The following MTO1 variants were observed in gnomAD, a reference collection of about 807,000 sequenced individuals.
MTO1 encodes the protein 5-taurinomethyluridine-[tRNA] synthase subunit MTO1, mitochondrial.
In MTO1, 46 loss-of-function variants were observed where a neutral mutation model predicts 71.6. The observed-to-expected ratio is 0.64, with a 90% CI of 0.51 to 0.82. MTO1 has a LOEUF of 0.82. Ranked by LOEUF, MTO1 falls within the 40% of genes least tolerant of loss-of-function variation. The probability of loss-of-function intolerance (pLI) is 0.00; values close to 1 mark genes in which losing one functional copy is unlikely to be tolerated. For synonymous variants in MTO1, 297 were observed against 312.1 expected (o/e 0.95, Z 0.51); for missense variants, 773 against 867.5 (o/e 0.89, Z 1.37).
At position 73,482,466 on chromosome 6, in the gene MTO1, T is replaced by C. The variant is rs770891029; in HGVS notation, c.1483T>C (p.Cys495Arg). The change falls in exon 9 of 12, where the codon TGT becomes CGT. Residue 495 changes from cysteine (C) to arginine (R), a missense_variant. Coordinates refer to ENST00000498286, the MANE Select transcript of MTO1 (RefSeq NM_012123.4). ...LTLRGYKDAG[C>R]VSQQRYERAC... ...TTCCCTAGGGTATAAAGACGCTGGC[T>C]GTGTGTCCCAACAACGATATGAAAG... is the stretch of plus-strand genomic sequence containing the variant. 44 of 1,612,632 alleles carry C rather than the reference T, an allele frequency of 2.7e-5. No homozygotes were observed. The highest frequency in any genetic ancestry group is 3.6e-5 in the Non-Finnish European group (43 of 1,179,746).
Position 73,506,682 on chromosome 6 carries a change from CTTTTTTT to C in MTO1, c.*5964_*5970del, listed in dbSNP as rs201035809. 5 of 56,934 alleles carry C rather than the reference CTTTTTTT, an allele frequency of 8.8e-5. No homozygotes were observed. The highest frequency in any genetic ancestry group is 1.0e-3 in the East Asian group (2 of 1,976). The allele number at this position is 56,934 out of a possible 1,614,324, so 3.5% of individuals were successfully genotyped here. On this transcript the variant is annotated 3_prime_UTR_variant, in exon 12 of 12. Coordinates refer to ENST00000498286, the MANE Select transcript of MTO1 (RefSeq NM_012123.4). ...AATGAACTAATACAGTGTTTTATCA[CTTTTTTT>C]TTTTTTTTTTTTTTTTGAGATGGAG...
At position 73,500,613 on chromosome 6, in the gene MTO1, G is replaced by A. The variant is rs749086310; in HGVS notation, c.1957G>A (p.Ala653Thr). The A allele has an allele frequency of 1.4e-5, 22 of 1,613,656 alleles. No homozygotes were observed. Among genetic ancestry groups the A allele is most frequent in the Admixed American group, 3.3e-5 (2 of 59,930 alleles). ...TCGCATACCCGGAGTAACACCTGCCGCCATCATCAATCTGCTGAGATTTGT... is the reference window on the plus strand; with the variant it reads ...TCGCATACCCGGAGTAACACCTGCCACCATCATCAATCTGCTGAGATTTGT... The part of the protein sequence containing the change: ...ASRIPGVTPA[A>T]IINLLRFVKT... The change falls in exon 12 of 12, where the codon GCC becomes ACC. Residue 653 changes from alanine (A) to threonine (T), a missense_variant. Physicochemically the swap from Ala to Thr is moderately conservative, Grantham distance 58. Transcript: ENST00000498286.
At position 73,479,674 on chromosome 6, in the gene MTO1, A is replaced by T. The variant is rs542372204; in HGVS notation, c.826-58A>T. 46 of 1,368,082 alleles carry T rather than the reference A, an allele frequency of 3.4e-5. 1 individual carries two copies. The African/African-American group carries it at 6.4e-4, about 19-fold the overall frequency. 84.7% of individuals were successfully genotyped at this position (1,368,082 alleles called of 1,614,324 possible). On this transcript the variant is annotated intron_variant, in intron 4 of 11. Transcript: ENST00000498286. ...TACGTATCATGTGGAATTTATTTGG[A>T]TAAGAGAGAAACTAGTAGATAAGCA...
At chr6:73,463,931 G>A (rs1357061127) in intron 1 of MTO1, 1 of 151,916 alleles carries the variant, frequency 6.6e-6, no homozygotes, top group African/African-American at 2.4e-5. Context: ...AGTAGAGATG[G>A]GGTTTCATCA....
chr6:73,483,406 CAAAG>C (rs1267434771), intron 9 of MTO1, among the ~76,000 whole-genome samples: 1 of 151,030 alleles, frequency 6.6e-6, no homozygotes, highest in Non-Finnish European at 1.5e-5. Flanking sequence ...GACCCTGTCT[CAAAG>C]AAAAGAAAAA....
chr6:73,462,816 T>A (rs998548968), intron 1 of MTO1, among the ~76,000 whole-genome samples: 1 of 152,024 alleles, frequency 6.6e-6, no homozygotes, highest in Non-Finnish European at 1.5e-5. Context: ...AGAGACAGGG[T>A]CTCGCCATGT....
chr6:73,490,728 A>C (rs1771780513), intron 9 of MTO1, among the ~76,000 whole-genome samples: 1 of 152,026 alleles, frequency 6.6e-6, no homozygotes, highest in Admixed American at 6.6e-5. Context: ...ATTTCTAAAA[A>C]AAAAAAGCCA....
chr6:73,493,256 A>G (rs1377319527), intron 10 of MTO1, among the ~76,000 whole-genome samples: 2 of 151,092 alleles, frequency 1.3e-5, no homozygotes, highest in African/African-American at 4.9e-5. Context: ...GGCCTCCCAA[A>G]GTGCCAGGGA....
intron 1 of MTO1, among the ~76,000 whole-genome samples, chr6:73,462,932 T>C (rs909993136): frequency 6.6e-6 from 1 of 152,020 alleles, no homozygotes; most frequent in African/African-American, 2.4e-5. Flanking sequence ...AACCAGTAGC[T>C]GGGATTGCAG....
At chr6:73,488,593 A>G (rs192615066) in intron 9 of MTO1, among the ~76,000 whole-genome samples, 3 of 152,016 alleles carry the variant, frequency 2.0e-5, no homozygotes, top group South Asian at 2.1e-4. Flanking sequence ...TGTTGTTTGT[A>G]TCCTTTGATG....
intron 4 of MTO1, among the ~76,000 whole-genome samples, chr6:73,476,207 A>T (rs994451184): frequency 3.4e-5 from 5 of 148,210 alleles, no homozygotes; most frequent in South Asian, 2.1e-4. Flanking sequence ...TACTAAAAAT[A>T]AAAAAAAAAT....
intron 9 of MTO1, among the ~76,000 whole-genome samples, chr6:73,491,041 C>T (rs1771787504): frequency 1.3e-5 from 2 of 152,128 alleles, no homozygotes; most frequent in South Asian, 4.1e-4. Context: ...GATCTATGTG[C>T]ATTAATACTT....
chr6:73,488,826 G>A (rs970564172), intron 9 of MTO1, among the ~76,000 whole-genome samples: 4 of 152,136 alleles, frequency 2.6e-5, no homozygotes, highest in Non-Finnish European at 4.4e-5. Context: ...GCTGAAGCAC[G>A]AGAATTGCTT....
intron 3 of MTO1, among the ~76,000 whole-genome samples, chr6:73,467,152 A>G (rs1173325290): frequency 2.6e-5 from 4 of 151,914 alleles, no homozygotes; most frequent in East Asian, 3.9e-4. Flanking sequence ...CATGTCTACA[A>G]AAAAATACAA....
In MTO1 at chr6:73,480,769, C is replaced by A; in HGVS notation, c.1224C>A (p.Ile408=). ...LVQRLFFAGQ[I]NGTTGYEEAA... Reference sequence around the variant, plus strand: ...AACGACTCTTCTTTGCTGGACAGATCAATGGCACCACTGGTTATGAGGAAG... The same window carrying A: ...AACGACTCTTCTTTGCTGGACAGATAAATGGCACCACTGGTTATGAGGAAG... Residue 408 remains isoleucine, a synonymous_variant, in exon 7 of 12, where the codon ATC becomes ATA. Transcript: ENST00000498286. 6.2e-7 allele frequency: 1 copy of A among 1,613,964 alleles called. No homozygotes were observed. The highest frequency in any genetic ancestry group is 8.5e-7 in the Non-Finnish European group (1 of 1,179,970).
intron 9 of MTO1, among the ~76,000 whole-genome samples, chr6:73,483,784 ATT>A (rs35787647): frequency 8.6e-4 from 89 of 104,070 alleles, no homozygotes; most frequent in East Asian, 5.8e-3. Flanking sequence ...ACACCTGGCT[ATT>A]TTTTTTTTTT....
chr6:73,496,001 A>C (rs1771967607), intron 10 of MTO1, among the ~76,000 whole-genome samples: 1 of 152,188 alleles, frequency 6.6e-6, no homozygotes, highest in African/African-American at 2.4e-5. Flanking sequence ...ACTGGAACCT[A>C]CCTTGTCTGA....
intron 9 of MTO1, among the ~76,000 whole-genome samples, chr6:73,491,366 C>G (rs1159389881): frequency 6.7e-6 from 1 of 149,716 alleles, no homozygotes; most frequent in Non-Finnish European, 1.5e-5. Context: ...ACGCAGATCA[C>G]CTGGGCAACA....
chr6:73,469,456 T>C (rs1260674654), intron 3 of MTO1, among the ~76,000 whole-genome samples: 1 of 151,452 alleles, frequency 6.6e-6, no homozygotes, highest in African/African-American at 2.4e-5. Context: ...AACCTGTCTC[T>C]ACTAAAAATA....
Sources: allele counts gnomAD v4.1 joint callset (sites outside exome capture counted in the v4.1 genomes callset), GRCh38; gene constraint gnomAD v4.1.1; transcripts MANE v1.5; gene names NCBI Gene and HGNC (gene_info 2026-07-23, HGNC 2026-07-21).